The following AGBL1 variants were observed in gnomAD, a reference collection of about 807,000 sequenced individuals.
AGBL1 encodes the protein cytosolic carboxypeptidase 4.
A neutral mutation model predicts 118.9 loss-of-function variants in AGBL1; 130 were observed. That is an observed-to-expected ratio of 1.09 (90% CI 0.95 to 1.26). The LOEUF (loss-of-function observed/expected upper bound fraction) is 1.26, where lower values mean the gene tolerates loss of function less well. AGBL1 is among the 50% of genes most tolerant of loss of function. The pLI, the probability that AGBL1 is intolerant of heterozygous loss-of-function variation, is 0.00. For synonymous variants in AGBL1, 555 were observed against 478.9 expected, an observed-to-expected ratio of 1.16 and a Z score of -2.08; for missense variants, 1,584 against 1,298.1, an observed-to-expected ratio of 1.22 and a Z score of -3.38.
At chr15:86,690,484 C>G (rs1014722653) in intron 22 of AGBL1, among the ~76,000 whole-genome samples, 1 of 152,252 alleles carries the variant, frequency 6.6e-6, no homozygotes, top group African/African-American at 2.4e-5. Context: ...AGTCCATTCA[C>G]CTTTTTAAAC....
chr15:86,761,733 C>A lies in AGBL1; in HGVS notation c.3158+87297C>A, dbSNP rs575178236. ...TTCCTTGTAGATTCTGGTTATTAGA[C>A]CTTTGTCAAATGGATAGATTGCAAT... On this transcript the variant is annotated intron_variant, in intron 22 of 22. Transcript: ENST00000614907. 3.9e-5 allele frequency among the ~76,000 whole-genome samples: 6 copies of A among 152,180 alleles called. No individual in the cohort carries two copies. The South Asian group carries it at 8.3e-4, about 21-fold the overall frequency.
intron 5 of AGBL1, among the ~76,000 whole-genome samples, chr15:86,222,742 A>G (rs903862796): frequency 6.6e-6 from 1 of 152,146 alleles, no homozygotes; most frequent in Non-Finnish European, 1.5e-5. Context: ...TGTGACACTT[A>G]TCATGCATTT....
chr15:86,531,810 G>A (rs1432316909), intron 19 of AGBL1, among the ~76,000 whole-genome samples: 37 of 134,062 alleles, frequency 2.8e-4, no homozygotes, highest in South Asian at 5.4e-4. Flanking sequence ...TTCAATATAC[G>A]CAAATCAATA....
At chr15:86,210,918 G>C (rs553544402) in intron 5 of AGBL1, among the ~76,000 whole-genome samples, 3 of 152,164 alleles carry the variant, frequency 2.0e-5, no homozygotes, top group African/African-American at 4.8e-5. Context: ...AGAATTTTCA[G>C]CTTTTCTGCT....
At chr15:86,279,224 C>T (rs1267266912) in intron 15 of AGBL1, among the ~76,000 whole-genome samples, 3 of 152,156 alleles carry the variant, frequency 2.0e-5, no homozygotes, top group Admixed American at 6.5e-5. Flanking sequence ...GAGTTGAATC[C>T]TATGTGGTCT....
chr15:86,982,369 A>G (rs924629349), intron 23 of AGBL1, among the ~76,000 whole-genome samples: 2 of 151,308 alleles, frequency 1.3e-5, no homozygotes, highest in African/African-American at 4.9e-5. Flanking sequence ...GTTGATGGAC[A>G]TTTAGCTTGT....
intron 22 of AGBL1, among the ~76,000 whole-genome samples, chr15:86,803,060 G>A (rs1411441457): frequency 6.6e-6 from 1 of 152,114 alleles, no homozygotes; most frequent in East Asian, 1.9e-4. Context: ...GTTGGAAACA[G>A]CATCCAAATG....
intron 22 of AGBL1, among the ~76,000 whole-genome samples, chr15:86,773,722 G>A (rs28739367): frequency 6.6e-6 from 1 of 152,038 alleles, no homozygotes; most frequent in East Asian, 1.9e-4. Flanking sequence ...AGAAGCAGAA[G>A]CCTGTTTCTT....
intron 18 of AGBL1, among the ~76,000 whole-genome samples, chr15:86,441,606 A>G (rs2082065430): frequency 6.6e-6 from 1 of 152,220 alleles, no homozygotes; most frequent in Non-Finnish European, 1.5e-5. Context: ...ATTATTCCTA[A>G]AAGGACTAAA....
At chr15:86,449,426 C>T (rs1038039602) in intron 18 of AGBL1, among the ~76,000 whole-genome samples, 4 of 152,144 alleles carry the variant, frequency 2.6e-5, no homozygotes, top group Admixed American at 6.6e-5. Flanking sequence ...GGGTTCTGCC[C>T]TTGAGAAGCA....
chr15:86,248,404 A>G (rs981492344), intron 7 of AGBL1, among the ~76,000 whole-genome samples: 21 of 152,210 alleles, frequency 1.4e-4, no homozygotes, highest in African/African-American at 4.8e-4. Flanking sequence ...ACACACTACC[A>G]GAGGTGCAGT....
chr15:86,783,847 TC>T (rs35160675), intron 22 of AGBL1, among the ~76,000 whole-genome samples: 54,980 of 152,048 alleles, frequency 0.36, 11,507 homozygotes, highest in Non-Finnish European at 0.49. Flanking sequence ...GCCAGGCTGG[TC>T]TCGAATTCCT....
intron 5 of AGBL1, among the ~76,000 whole-genome samples, chr15:86,171,487 T>C (rs1004516800): frequency 1.3e-5 from 2 of 152,136 alleles, no homozygotes; most frequent in African/African-American, 4.8e-5. Flanking sequence ...CTAAAACAGT[T>C]AAGAGTTACG....
At position 86,955,486 on chromosome 15, in the gene AGBL1, C is replaced by T. The variant is rs2080920088; in HGVS notation, c.3222-32501C>T. ...GAGTAAATTTAAAAAAAGAACCAGA[C>T]ACAAATGATGAACATGTAATCAAAA... On this transcript the variant is annotated intron_variant, in intron 23 of 24. Coordinates refer to the AGBL1 transcript ENST00000441037. 1.3e-5 allele frequency among the ~76,000 whole-genome samples: 2 copies of T among 151,736 alleles called. 1 individual carries two copies. Among genetic ancestry groups the T allele is most frequent in the South Asian group, 4.2e-4 (2 of 4,796 alleles).
chr15:86,212,870 G>A (rs1278310677), intron 5 of AGBL1, among the ~76,000 whole-genome samples: 3 of 152,268 alleles, frequency 2.0e-5, no homozygotes, highest in African/African-American at 4.8e-5. Flanking sequence ...GGCTGGTTTC[G>A]AACTGTTGAC....
chr15:86,459,762 A>C (rs1346489527), intron 18 of AGBL1, among the ~76,000 whole-genome samples: 3 of 152,114 alleles, frequency 2.0e-5, no homozygotes, highest in African/African-American at 7.2e-5. Flanking sequence ...CTGACTCCTA[A>C]GGGTATATTC....
chr15:86,680,037 A>G (rs1317391176), intron 22 of AGBL1, among the ~76,000 whole-genome samples: 1 of 152,168 alleles, frequency 6.6e-6, no homozygotes, highest in African/African-American at 2.4e-5. Context: ...TAGGTAGGAT[A>G]CATCTGCACC....
At chr15:86,320,958 A>G (rs1406627562) in intron 17 of AGBL1, among the ~76,000 whole-genome samples, 1 of 152,210 alleles carries the variant, frequency 6.6e-6, no homozygotes, top group African/African-American at 2.4e-5. Flanking sequence ...TCCATTTGTC[A>G]TCATATATTA....
chr15:86,422,402 G>A (rs1160283158), intron 18 of AGBL1, among the ~76,000 whole-genome samples: 2 of 152,128 alleles, frequency 1.3e-5, no homozygotes, highest in East Asian at 3.9e-4. Flanking sequence ...AAACCAGTGA[G>A]AACAAAGACA....
Sources: gnomAD v4.1 joint callset for allele counts (sites outside exome capture counted in the v4.1 genomes callset) on GRCh38, gnomAD v4.1.1 for gene constraint, MANE v1.5 for transcripts, NCBI Gene and HGNC (gene_info 2026-07-23, HGNC 2026-07-21) for gene names.